DIS3L2: variants seen among roughly 807,000 people sequenced by gnomAD.
DIS3L2 encodes the protein DIS3 like 3'-5' exoribonuclease 2.
In DIS3L2, 34 loss-of-function variants were observed where a neutral mutation model predicts 97.5. That is an observed-to-expected ratio of 0.35 (90% CI 0.27 to 0.46). The LOEUF is 0.46. Among genes scored for constraint, DIS3L2 ranks in the 20% least tolerant of loss-of-function variants. The pLI is 1.00. For synonymous variants in DIS3L2, 435 were observed against 445.2 expected, an observed-to-expected ratio of 0.98 and a Z score of 0.29; for missense variants, 1,038 against 1,146.0, an observed-to-expected ratio of 0.91 and a Z score of 1.36.
At chr2:232,174,696 C>T (rs1364699779) in intron 9 of DIS3L2, among the ~76,000 whole-genome samples, 3 of 151,700 alleles carry the variant, frequency 2.0e-5, no homozygotes, top group Non-Finnish European at 2.9e-5. Context: ...TTTACCTCTT[C>T]CTTTCTAATT....
At chr2:232,029,599 C>T (rs1694748894) in intron 4 of DIS3L2, among the ~76,000 whole-genome samples, 1 of 151,674 alleles carries the variant, frequency 6.6e-6, no homozygotes, top group African/African-American at 2.4e-5. Flanking sequence ...TCTTCTTTGC[C>T]CTCTACTTAG....
chr2:232,096,552 C>T (rs144314828), intron 6 of DIS3L2, among the ~76,000 whole-genome samples: 13 of 152,164 alleles, frequency 8.5e-5, no homozygotes, highest in East Asian at 3.9e-4. Context: ...GCCAATAACT[C>T]GTAGGTTTGT....
chr2:232,243,798 C>T (rs1264400406), intron 11 of DIS3L2, among the ~76,000 whole-genome samples: 2 of 152,206 alleles, frequency 1.3e-5, no homozygotes, highest in East Asian at 1.9e-4. Flanking sequence ...GCTGTCCCCT[C>T]GGAGATAGGG....
intron 13 of DIS3L2, among the ~76,000 whole-genome samples, chr2:232,284,083 G>A (rs1694366305): frequency 6.6e-6 from 1 of 151,638 alleles, no homozygotes; most frequent in Non-Finnish European, 1.5e-5. Flanking sequence ...TAATTCCTCT[G>A]TGTGCAACAC....
chr2:232,087,928 G>A (rs577189794), intron 6 of DIS3L2: 2 of 532,632 alleles, frequency 3.8e-6, no homozygotes, highest in South Asian at 4.9e-5. Flanking sequence ...GGTTTGTGTG[G>A]GCAGTAGTTG....
chr2:232,069,605 A>G (rs936212317), intron 5 of DIS3L2, among the ~76,000 whole-genome samples: 1 of 152,136 alleles, frequency 6.6e-6, no homozygotes, highest in African/African-American at 2.4e-5. Context: ...ACCCAAATCA[A>G]CCCCAGCAGA....
intron 6 of DIS3L2, among the ~76,000 whole-genome samples, chr2:232,117,357 C>T (rs1697756870): frequency 6.6e-6 from 1 of 152,146 alleles, no homozygotes; most frequent in African/African-American, 2.4e-5. Flanking sequence ...TTGTATGAAA[C>T]CTTCATAATA....
intron 5 of DIS3L2, among the ~76,000 whole-genome samples, chr2:232,070,004 C>CG (rs1347793640): frequency 6.6e-6 from 1 of 152,146 alleles, no homozygotes; most frequent in African/African-American, 2.4e-5. Flanking sequence ...AATACATTGA[C>CG]TATGTTTTAG....
chr2:232,084,808 A>AAAAAT (rs200050718), intron 5 of DIS3L2, among the ~76,000 whole-genome samples: 74 of 151,828 alleles, frequency 4.9e-4, no homozygotes, highest in African/African-American at 1.5e-3. Flanking sequence ...TCAAAAAAAA[A>AAAAAT]AAAGCATTGT....
At chr2:232,137,431 A>G (rs566662975) in intron 8 of DIS3L2, among the ~76,000 whole-genome samples, 5 of 152,350 alleles carry the variant, frequency 3.3e-5, no homozygotes, top group African/African-American at 9.6e-5. Context: ...TTTATTATAG[A>G]TGATGTCTGG....
At position 232,316,147 on chromosome 2, in the gene DIS3L2, C is replaced by T. The variant is rs1432625633; in HGVS notation, c.1740-13666C>T. ...GTTCGCGAGCCCTGGCATGCCACTG[C>T]GGCTTCACAGTAGCCTCCTGGGCAG... On this transcript the variant is annotated intron_variant, in intron 14 of 20. Transcript: ENST00000325385. Among the ~76,000 whole-genome samples the T allele has an allele frequency of 2.6e-5, 4 of 152,296 alleles. No homozygotes were observed. In the East Asian group the frequency reaches 7.7e-4, roughly 29 times the overall value.
At chr2:232,192,433 A>G (rs1691639547) in intron 9 of DIS3L2, among the ~76,000 whole-genome samples, 1 of 152,196 alleles carries the variant, frequency 6.6e-6, no homozygotes, top group Non-Finnish European at 1.5e-5. Context: ...ATTTTAAAAA[A>G]AAGTTGATTA....
At chr2:231,968,567 T>C (rs1348752789) in intron 1 of DIS3L2, among the ~76,000 whole-genome samples, 1 of 152,230 alleles carries the variant, frequency 6.6e-6, no homozygotes. Context: ...CTGAGTAATA[T>C]TGCATTGTAT....
At chr2:232,192,471 T>C (rs1177544379) in intron 9 of DIS3L2, among the ~76,000 whole-genome samples, 6 of 152,236 alleles carry the variant, frequency 3.9e-5, no homozygotes, top group Admixed American at 3.9e-4. Flanking sequence ...CACTTCATAC[T>C]TCCCCCTTCC....
At chr2:232,149,193 G>GTT (rs762181547) in intron 8 of DIS3L2, among the ~76,000 whole-genome samples, 58 of 137,708 alleles carry the variant, frequency 4.2e-4, no homozygotes, top group African/African-American at 1.3e-3. Flanking sequence ...GCGCTTAAAA[G>GTT]TTTTTTTTTT....
intron 5 of DIS3L2, among the ~76,000 whole-genome samples, chr2:232,058,068 A>G (rs1259782223): frequency 2.0e-5 from 3 of 152,202 alleles, no homozygotes; most frequent in Non-Finnish European, 4.4e-5. Context: ...GTTAGTTTGA[A>G]CACAAGCAGA....
At chr2:232,074,571 C>CTTTT (rs66518544) in intron 5 of DIS3L2, among the ~76,000 whole-genome samples, 1 of 104,186 alleles carries the variant, frequency 9.6e-6, no homozygotes, top group South Asian at 3.6e-4. Context: ...ATCAAGGAAC[C>CTTTT]TTTTTTTTTT....
At chr2:232,051,040 T>G (rs1020130622) in intron 5 of DIS3L2, among the ~76,000 whole-genome samples, 1 of 152,210 alleles carries the variant, frequency 6.6e-6, no homozygotes, top group Admixed American at 6.5e-5. Context: ...GAACTGTATG[T>G]TTAAAGGAAG....
At chr2:232,337,327 C>G, downstream of DIS3L2, 1 of 366,612 alleles carries the variant, frequency 2.7e-6, no homozygotes, top group Admixed American at 6.4e-5. Flanking sequence ...GTGATACCCC[C>G]TCCCCTCAGT....
Sources: allele counts gnomAD v4.1 joint callset (sites outside exome capture counted in the v4.1 genomes callset), GRCh38; gene constraint gnomAD v4.1.1; transcripts MANE v1.5; gene names NCBI Gene and HGNC (gene_info 2026-07-23, HGNC 2026-07-21).